The following L3MBTL4 variants were observed in gnomAD, a reference collection of about 807,000 sequenced individuals.
L3MBTL4 encodes the protein lethal(3)malignant brain tumor-like protein 4.
A neutral mutation model predicts 84.5 loss-of-function variants in L3MBTL4; 70 were observed. The ratio of observed to expected loss-of-function variants is 0.83; its 90% CI spans 0.68 to 1.01. L3MBTL4 has a LOEUF of 1.01. Ranked by LOEUF, L3MBTL4 falls within the 50% of genes least tolerant of loss-of-function variation. The pLI, the probability that L3MBTL4 is intolerant of heterozygous loss-of-function variation, is 0.00. For synonymous variants in L3MBTL4, 274 were observed against 259.8 expected (o/e 1.05, Z -0.52); for missense variants, 715 against 754.8 (o/e 0.95, Z 0.62).
rs1454385766 is a variant in L3MBTL4, at chr18:6,215,850, A to C, written c.785-15T>G. On this transcript the variant is annotated splice_polypyrimidine_tract_variant and intron_variant, in intron 10 of 18. Transcript: ENST00000317931. ...ATTGGGATAACCTGAAAATATATAT[A>C]TATAAATAGCAAAAGATTACTCATA... 7.2e-7 allele frequency: 1 copy of C among 1,391,930 alleles called. No homozygotes were observed. The highest frequency in any genetic ancestry group is 1.0e-6 in the Non-Finnish European group (1 of 1,000,520). 86.2% of individuals were successfully genotyped at this position (1,391,930 alleles called of 1,614,324 possible).
At position 5,969,362 on chromosome 18, in the gene L3MBTL4, C is replaced by T. The variant is rs369372793; in HGVS notation, c.1614+31G>A. The T allele has an allele frequency of 1.9e-5, 31 of 1,612,450 alleles. 1 individual carries two copies. The highest frequency in any genetic ancestry group is 1.7e-4 in the Middle Eastern group (1 of 6,060). Reference sequence around the variant, plus strand: ...CCTATTTCTCAGCAGCAGGCACACCCCAGCCCTGGCCCCCCAGCAGCTCCA... The same window carrying T: ...CCTATTTCTCAGCAGCAGGCACACCTCAGCCCTGGCCCCCCAGCAGCTCCA... On this transcript the variant is annotated intron_variant, in intron 17 of 18. Transcript: ENST00000317931.
At chr18:6,293,554 T>A (rs560896443) in intron 4 of L3MBTL4, among the ~76,000 whole-genome samples, 24 of 151,688 alleles carry the variant, frequency 1.6e-4, no homozygotes, top group African/African-American at 5.6e-4. Flanking sequence ...AAAAAAAAAA[T>A]GATATTTCTA....
At chr18:6,162,398 CA>C (rs950355982) in intron 13 of L3MBTL4, among the ~76,000 whole-genome samples, 22 of 150,524 alleles carry the variant, frequency 1.5e-4, no homozygotes, top group South Asian at 4.2e-4. Context: ...CAAAAGAGTT[CA>C]AAAAAAAATC....
chr18:6,249,416 T>C (rs1405961620), intron 5 of L3MBTL4, among the ~76,000 whole-genome samples: 1 of 152,182 alleles, frequency 6.6e-6, no homozygotes, highest in Admixed American at 6.5e-5. Context: ...ATTTGAGACA[T>C]TGACAATACT....
chr18:6,007,364 TA>T (rs1420119705), intron 16 of L3MBTL4, among the ~76,000 whole-genome samples: 2 of 151,118 alleles, frequency 1.3e-5, no homozygotes, highest in East Asian at 1.9e-4. Context: ...TACTTGTAAT[TA>T]AAAAAAAACT....
At chr18:6,233,860 A>T (rs2047099861) in intron 10 of L3MBTL4, among the ~76,000 whole-genome samples, 1 of 152,082 alleles carries the variant, frequency 6.6e-6, no homozygotes, top group Non-Finnish European at 1.5e-5. Context: ...CATTGTCAAG[A>T]CAATCCTAAG....
At chr18:6,232,872 A>T (rs1268283952) in intron 10 of L3MBTL4, among the ~76,000 whole-genome samples, 1 of 152,164 alleles carries the variant, frequency 6.6e-6, no homozygotes. Context: ...ACTAACATAT[A>T]TAATTTTTTG....
At chr18:6,330,305 A>G (rs1450905678) in intron 1 of L3MBTL4, among the ~76,000 whole-genome samples, 4 of 152,236 alleles carry the variant, frequency 2.6e-5, no homozygotes, top group African/African-American at 9.6e-5. Context: ...GGAGGTCAAA[A>G]GTCCTAAATA....
chr18:5,966,361 C>T (rs943067423), intron 17 of L3MBTL4, among the ~76,000 whole-genome samples: 3 of 152,192 alleles, frequency 2.0e-5, no homozygotes, highest in African/African-American at 7.2e-5. Flanking sequence ...TGAGGCACAA[C>T]TCCAGGAACC....
chr18:6,072,138 G>A (rs1291644743), intron 16 of L3MBTL4, among the ~76,000 whole-genome samples: 4 of 152,126 alleles, frequency 2.6e-5, no homozygotes, highest in Non-Finnish European at 4.4e-5. Context: ...TAATTTTCAT[G>A]AGCCTAGTAA....
intron 10 of L3MBTL4, among the ~76,000 whole-genome samples, chr18:6,216,990 G>A (rs1003714288): frequency 3.3e-5 from 5 of 152,086 alleles, no homozygotes; most frequent in African/African-American, 1.2e-4. Context: ...AGCATTTTCA[G>A]TAATACAATC....
At chr18:6,405,743 C>G (rs2055708376) in intron 1 of L3MBTL4, among the ~76,000 whole-genome samples, 1 of 139,576 alleles carries the variant, frequency 7.2e-6, no homozygotes, top group African/African-American at 2.8e-5. Context: ...GGAGAGAGGT[C>G]TGAGTGCCTC....
intron 16 of L3MBTL4, among the ~76,000 whole-genome samples, chr18:6,049,840 A>G (rs1014651546): frequency 6.6e-6 from 1 of 152,232 alleles, no homozygotes; most frequent in Admixed American, 6.5e-5. Flanking sequence ...CGTATAACAA[A>G]CCTGTACATG....
At chr18:6,285,294 T>C (rs1247315230) in intron 4 of L3MBTL4, among the ~76,000 whole-genome samples, 1 of 152,010 alleles carries the variant, frequency 6.6e-6, no homozygotes, top group Non-Finnish European at 1.5e-5. Flanking sequence ...TAAGCAACTA[T>C]ACAACTAAGG....
At chr18:6,018,205 G>C (rs1474363750) in intron 16 of L3MBTL4, among the ~76,000 whole-genome samples, 1 of 152,166 alleles carries the variant, frequency 6.6e-6, no homozygotes, top group Admixed American at 6.6e-5. Context: ...AGCAGGAGAG[G>C]AAGCTGGAAA....
At chr18:6,135,201 T>C (rs1483304142) in intron 14 of L3MBTL4, among the ~76,000 whole-genome samples, 1 of 152,030 alleles carries the variant, frequency 6.6e-6, no homozygotes, top group African/African-American at 2.4e-5. Context: ...GTACCAAGAC[T>C]CTAGGCTGCA....
At chr18:6,181,372 C>T (rs2044464535) in intron 12 of L3MBTL4, among the ~76,000 whole-genome samples, 1 of 151,932 alleles carries the variant, frequency 6.6e-6, no homozygotes, top group Admixed American at 6.6e-5. Flanking sequence ...GTCACCCAGG[C>T]TGGAGTGCAG....
intron 16 of L3MBTL4, among the ~76,000 whole-genome samples, chr18:6,012,687 C>T (rs924944447): frequency 4.0e-5 from 6 of 151,816 alleles, no homozygotes; most frequent in Non-Finnish European, 7.4e-5. Context: ...AAAAATTAGC[C>T]GATTGAGCCC....
intron 1 of L3MBTL4, among the ~76,000 whole-genome samples, chr18:6,346,103 AATATATATATATATAT>A (rs34294575): frequency 8.5e-5 from 11 of 129,824 alleles, no homozygotes; most frequent in African/African-American, 3.0e-4. Flanking sequence ...ATGATGTTGG[AATATATATATATATAT>A]ATATATATAT....
Sources: gnomAD v4.1 joint callset for allele counts (sites outside exome capture counted in the v4.1 genomes callset) on GRCh38, gnomAD v4.1.1 for gene constraint, MANE v1.5 for transcripts, NCBI Gene and HGNC (gene_info 2026-07-23, HGNC 2026-07-21) for gene names.